CDH13: variants seen among roughly 807,000 people sequenced by gnomAD.
The protein encoded by CDH13 is cadherin-13.
In CDH13, 24 loss-of-function variants were observed where a neutral mutation model predicts 63.8. That is an observed-to-expected ratio of 0.38 (90% confidence interval 0.27 to 0.53). The LOEUF is 0.53. Among genes scored for constraint, CDH13 ranks in the 20% least tolerant of loss-of-function variants. The probability of loss-of-function intolerance (pLI) is 0.85; values close to 1 mark genes in which losing one functional copy is unlikely to be tolerated. For missense variants in CDH13, 1,049 were observed against 903.1 expected (o/e 1.16, Z -2.07); for synonymous variants, 503 against 355.3 (o/e 1.42, Z -4.67).
intron 1 of CDH13, among the ~76,000 whole-genome samples, chr16:82,695,160 A>T (rs2030113860): frequency 6.6e-6 from 1 of 152,100 alleles, no homozygotes; most frequent in East Asian, 1.9e-4. Context: ...CCGAGTCCAG[A>T]CCCTGGGGGC....
intron 5 of CDH13, among the ~76,000 whole-genome samples, chr16:83,301,025 GTTTT>G (rs3052591): frequency 0.024 from 1,853 of 78,766 alleles, 38 homozygotes; most frequent in African/African-American, 0.093. Flanking sequence ...ACTTTCTGGG[GTTTT>G]TTTTTTTTTT....
At chr16:83,062,473 C>G (rs576363779) in intron 3 of CDH13, among the ~76,000 whole-genome samples, 2 of 152,274 alleles carry the variant, frequency 1.3e-5, no homozygotes, top group African/African-American at 2.4e-5. Context: ...ATAGCAGTTA[C>G]ATCATAAATA....
At chr16:83,126,929 G>A (rs916303095) in intron 4 of CDH13, among the ~76,000 whole-genome samples, 2 of 152,148 alleles carry the variant, frequency 1.3e-5, no homozygotes, top group African/African-American at 2.4e-5. Flanking sequence ...TCAGCAATGG[G>A]ATGATGTGAA....
chr16:82,655,024 AG>A (rs1911142008), intron 1 of CDH13, among the ~76,000 whole-genome samples: 1 of 152,322 alleles, frequency 6.6e-6, no homozygotes, highest in African/African-American at 2.4e-5. Context: ...TCTGGGGTAC[AG>A]GTAAGCTTCC....
intron 1 of CDH13, among the ~76,000 whole-genome samples, 193 bp from the exon 2 acceptor site, chr16:82,858,169 C>G (rs946105775): frequency 6.6e-6 from 1 of 152,188 alleles, no homozygotes; most frequent in African/African-American, 2.4e-5. Context: ...AGCAGCTGTT[C>G]CATTTGCGTA....
At chr16:82,776,766 T>A (rs1428838237) in intron 1 of CDH13, among the ~76,000 whole-genome samples, 1 of 152,194 alleles carries the variant, frequency 6.6e-6, no homozygotes, top group East Asian at 1.9e-4. Context: ...TGAGGTGGCT[T>A]CATCCCTCTC....
At chr16:83,713,528 C>T (rs1017777564) in intron 10 of CDH13, among the ~76,000 whole-genome samples, 2 of 151,460 alleles carry the variant, frequency 1.3e-5, no homozygotes, top group South Asian at 4.2e-4. Flanking sequence ...AAAAAATTTC[C>T]TCTTCAAATT....
At chr16:83,184,411 C>T (rs558893370) in intron 4 of CDH13, among the ~76,000 whole-genome samples, 4 of 152,232 alleles carry the variant, frequency 2.6e-5, no homozygotes, top group African/African-American at 9.6e-5. Flanking sequence ...AGCAGAACCT[C>T]AGGACTACCA....
chr16:83,030,746 T>C (rs899316145), intron 2 of CDH13, among the ~76,000 whole-genome samples: 2 of 149,830 alleles, frequency 1.3e-5, no homozygotes, highest in Non-Finnish European at 3.0e-5. Context: ...TGATCTTGAC[T>C]CTCTCCACAC....
intron 1 of CDH13, among the ~76,000 whole-genome samples, chr16:82,739,945 A>G (rs2033855106): frequency 2.0e-5 from 3 of 152,228 alleles, no homozygotes; most frequent in Non-Finnish European, 2.9e-5. Flanking sequence ...CATAGATTCT[A>G]CATCTCCAGA....
intron 7 of CDH13, among the ~76,000 whole-genome samples, chr16:83,522,200 G>T (rs575459534): frequency 6.6e-6 from 1 of 152,320 alleles, no homozygotes; most frequent in Admixed American, 6.5e-5. Context: ...CTCTGCTGCA[G>T]CCTCCACATG....
intron 5 of CDH13, among the ~76,000 whole-genome samples, chr16:83,292,038 C>G (rs955024623): frequency 2.6e-5 from 4 of 152,170 alleles, no homozygotes; most frequent in Non-Finnish European, 5.9e-5. Flanking sequence ...TCATTTTTCA[C>G]TATTGGCCTA....
At chr16:82,973,319 T>C (rs898072125) in intron 2 of CDH13, among the ~76,000 whole-genome samples, 7 of 152,230 alleles carry the variant, frequency 4.6e-5, no homozygotes, top group African/African-American at 1.7e-4. Context: ...CCTGCAAGAA[T>C]CAGGCTTTAC....
intron 1 of CDH13, among the ~76,000 whole-genome samples, chr16:82,701,847 A>G (rs1187787667): frequency 6.6e-6 from 1 of 152,124 alleles, no homozygotes; most frequent in Non-Finnish European, 1.5e-5. Context: ...ATTAGCCAGG[A>G]CTTAGTCACC....
chr16:82,858,982 AT>A (rs2039818405), intron 2 of CDH13: 1 of 155,428 alleles, frequency 6.4e-6, no homozygotes, highest in African/African-American at 2.4e-5. Context: ...ACCTCTACTG[AT>A]TATTCTATGG....
At chr16:83,660,792 G>C (rs550702966) in intron 8 of CDH13, among the ~76,000 whole-genome samples, 1 of 152,128 alleles carries the variant, frequency 6.6e-6, no homozygotes, top group East Asian at 1.9e-4. Flanking sequence ...CTGCTTCTCC[G>C]AATTAAACTA....
chr16:82,680,323 C>T (rs533208148), intron 1 of CDH13, among the ~76,000 whole-genome samples: 10 of 152,226 alleles, frequency 6.6e-5, no homozygotes, highest in African/African-American at 1.7e-4. Flanking sequence ...CATCAAGAGT[C>T]GAGGCACCCT....
At chr16:83,149,881 A>T (rs2036901589) in intron 4 of CDH13, among the ~76,000 whole-genome samples, 1 of 152,252 alleles carries the variant, frequency 6.6e-6, no homozygotes. Flanking sequence ...AAATATTACA[A>T]GTCAGGTCTT....
intron 11 of CDH13, among the ~76,000 whole-genome samples, chr16:83,766,814 G>T (rs557768514): frequency 2.0e-5 from 3 of 152,086 alleles, no homozygotes; most frequent in Non-Finnish European, 4.4e-5. Context: ...AATCATGGGG[G>T]CAGTTTCCTT....
Sources: gnomAD v4.1 joint callset for allele counts (sites outside exome capture counted in the v4.1 genomes callset) on GRCh38, gnomAD v4.1.1 for gene constraint, MANE v1.5 for transcripts, NCBI Gene and HGNC (gene_info 2026-07-23, HGNC 2026-07-21) for gene names.